GNA14: variants seen among roughly 807,000 people sequenced by gnomAD.
GNA14 encodes guanine nucleotide-binding protein subunit alpha-14.
GNA14 carries 50 observed loss-of-function variants against 42.0 expected under a neutral mutation model. That is an observed-to-expected ratio of 1.19 (90% CI 0.95 to 1.51). The LOEUF (loss-of-function observed/expected upper bound fraction) is 1.51, where lower values mean the gene tolerates loss of function less well. Ranked by LOEUF, GNA14 falls within the 40% of genes most tolerant of loss-of-function variation. The probability of loss-of-function intolerance (pLI) is 0.00; values close to 1 mark genes in which losing one functional copy is unlikely to be tolerated. For missense variants in GNA14, 473 were observed against 446.2 expected (o/e 1.06, Z -0.54); for synonymous variants, 173 against 163.1 (o/e 1.06, Z -0.46).
intron 2 of GNA14, among the ~76,000 whole-genome samples, chr9:77,526,076 A>ATTT (rs34362442): frequency 0.015 from 1,889 of 125,088 alleles, 65 homozygotes; most frequent in African/African-American, 0.053. Flanking sequence ...TAATTTTTGT[A>ATTT]TTTTTTTTTT....
intron 2 of GNA14, among the ~76,000 whole-genome samples, chr9:77,497,115 C>T (rs145955672): frequency 1.2e-3 from 183 of 151,714 alleles, no homozygotes; most frequent in African/African-American, 4.1e-3. Flanking sequence ...GCTCGGAGAC[C>T]ATTTGTCCTT....
chr9:77,510,437 G>A lies in GNA14; in HGVS notation c.309+18632C>T, dbSNP rs965585507. ...TGCAACCTCCACCTCCTGGGTTCAA[G>A]CGATTCTCCCACCTCAGCTCCTGAG... On this transcript the variant is annotated intron_variant, in intron 2 of 6. Coordinates refer to ENST00000341700, the MANE Select transcript of GNA14 (RefSeq NM_004297.4). Among the ~76,000 whole-genome samples the A allele has an allele frequency of 1.3e-5, 2 of 152,176 alleles. 1 individual carries two copies. Among genetic ancestry groups the A allele is most frequent in the Admixed American group, 1.3e-4 (2 of 15,272 alleles).
chr9:77,579,110 T>C (rs62574862), intron 1 of GNA14, among the ~76,000 whole-genome samples: 4,930 of 152,256 alleles, frequency 0.032, 181 homozygotes, highest in African/African-American at 0.092. Flanking sequence ...ATCTCTGAGA[T>C]CTAGGGCATC....
chr9:77,510,144 T>C (rs1837136842), intron 2 of GNA14, among the ~76,000 whole-genome samples: 1 of 152,176 alleles, frequency 6.6e-6, no homozygotes, highest in African/African-American at 2.4e-5. Flanking sequence ...CCCCCAGCTC[T>C]AGACACTCAC....
intron 1 of GNA14, among the ~76,000 whole-genome samples, chr9:77,632,108 A>C (rs56153297): frequency 0.3 from 45,739 of 152,124 alleles, 8,376 homozygotes; most frequent in African/African-American, 0.51. Context: ...GAAGGCCCCC[A>C]CTGCCCTTGC....
chr9:77,473,231 C>T (rs1214504081), intron 2 of GNA14, among the ~76,000 whole-genome samples: 9 of 152,144 alleles, frequency 5.9e-5, no homozygotes, highest in Non-Finnish European at 1.3e-4. Context: ...CTAAGGCAGG[C>T]AGATGGCTTG....
intron 1 of GNA14, among the ~76,000 whole-genome samples, chr9:77,622,423 C>T (rs770809311): frequency 1.4e-4 from 22 of 152,184 alleles, no homozygotes; most frequent in Non-Finnish European, 1.8e-4. Context: ...AACCAGTTGC[C>T]ATTGTAGATG....
At chr9:77,468,483 G>A (rs747403741) in intron 2 of GNA14, among the ~76,000 whole-genome samples, 2 of 152,174 alleles carry the variant, frequency 1.3e-5, no homozygotes, top group Admixed American at 6.5e-5. Flanking sequence ...TTCAAGATCT[G>A]AAGTGGCCAT....
chr9:77,574,825 A>T (rs903126966), intron 1 of GNA14, among the ~76,000 whole-genome samples: 2 of 152,228 alleles, frequency 1.3e-5, no homozygotes, highest in Non-Finnish European at 2.9e-5. Flanking sequence ...ACAAAAGAAG[A>T]GAAACAGGGG....
In GNA14 at chr9:77,602,804, G is replaced by T. The variant is rs559241158; in HGVS notation, c.124+44866C>A. Among the ~76,000 whole-genome samples, 24 of 151,972 alleles carry T rather than the reference G, an allele frequency of 1.6e-4. No homozygotes were observed. In the South Asian group the frequency reaches 5.0e-3, roughly 32 times the overall value. On this transcript the variant is annotated intron_variant, in intron 1 of 6. Coordinates refer to ENST00000341700, the MANE Select transcript of GNA14 (RefSeq NM_004297.4). ...TCATGGGCATGTGATCTGTGCAATT[G>T]CACAGGGCTTCATGCTTTGAAAGGC...
intron 1 of GNA14, among the ~76,000 whole-genome samples, chr9:77,587,148 G>A (rs1048981983): frequency 1.3e-5 from 2 of 151,986 alleles, no homozygotes; most frequent in Non-Finnish European, 2.9e-5. Context: ...AAGAACAAGT[G>A]TTGATGAGGA....
At chr9:77,492,637 A>G (rs1288426284) in intron 2 of GNA14, among the ~76,000 whole-genome samples, 1 of 152,088 alleles carries the variant, frequency 6.6e-6, no homozygotes, top group East Asian at 1.9e-4. Context: ...CCCTAACGCA[A>G]TGTATAGCAT....
chr9:77,536,604 A>T (rs1462507043), intron 1 of GNA14, among the ~76,000 whole-genome samples: 1 of 151,834 alleles, frequency 6.6e-6, no homozygotes, highest in South Asian at 2.1e-4. Flanking sequence ...GCCCACCTTG[A>T]CCTCCCAAAG....
chr9:77,531,092 G>A (rs1225111705), intron 1 of GNA14, among the ~76,000 whole-genome samples: 3 of 152,096 alleles, frequency 2.0e-5, no homozygotes, highest in South Asian at 2.1e-4. Context: ...GCAGCACATC[G>A]CCTAAATGCT....
At chr9:77,549,103 T>C (rs1332732752) in intron 1 of GNA14, among the ~76,000 whole-genome samples, 2 of 152,032 alleles carry the variant, frequency 1.3e-5, no homozygotes, top group Non-Finnish European at 2.9e-5. Flanking sequence ...CCCAGCTAAT[T>C]TTTGGATTTT....
chr9:77,445,939 A>G (rs912160069), intron 2 of GNA14, among the ~76,000 whole-genome samples: 7 of 152,200 alleles, frequency 4.6e-5, no homozygotes, highest in African/African-American at 1.7e-4. Flanking sequence ...TGACAGTCCA[A>G]CTTAGCAAGA....
chr9:77,471,303 G>C (rs1243441471), intron 2 of GNA14, among the ~76,000 whole-genome samples: 1 of 152,182 alleles, frequency 6.6e-6, no homozygotes, highest in Non-Finnish European at 1.5e-5. Flanking sequence ...GGAGTGATGA[G>C]ATCAGGACAG....
chr9:77,542,205 TAC>T (rs1032465192), intron 1 of GNA14, among the ~76,000 whole-genome samples: 4 of 152,208 alleles, frequency 2.6e-5, no homozygotes, highest in African/African-American at 9.7e-5. Context: ...ATAAGATATG[TAC>T]ATCTACTTTT....
intron 2 of GNA14, among the ~76,000 whole-genome samples, chr9:77,443,331 G>T (rs1262610133): frequency 6.6e-6 from 1 of 152,010 alleles, no homozygotes; most frequent in African/African-American, 2.4e-5. Flanking sequence ...GTAAAAAAAT[G>T]GATTTCCAGC....
Sources: allele counts gnomAD v4.1 joint callset (sites outside exome capture counted in the v4.1 genomes callset), GRCh38; gene constraint gnomAD v4.1.1; transcripts MANE v1.5; gene names NCBI Gene and HGNC (gene_info 2026-07-23, HGNC 2026-07-21).